The following LYPD4 variants were observed in gnomAD, a reference collection of about 807,000 sequenced individuals.
LYPD4 encodes the protein ly6/PLAUR domain-containing protein 4.
LYPD4 carries 20 observed loss-of-function variants against 18.2 expected under a neutral mutation model. The observed-to-expected ratio is 1.10, with a 90% CI of 0.77 to 1.59. LYPD4 has a LOEUF of 1.59. Among genes scored for constraint, LYPD4 ranks in the 40% most tolerant of loss-of-function variants. The probability of loss-of-function intolerance (pLI) is 0.00; values close to 1 mark genes in which losing one functional copy is unlikely to be tolerated. For missense variants in LYPD4, 278 were observed against 300.3 expected (o/e 0.93, Z 0.55); for synonymous variants, 111 against 118.3 (o/e 0.94, Z 0.40).
intron 1 of LYPD4, among the ~76,000 whole-genome samples, chr19:41,843,055 AAAAAAAAAAAAAAAAAAAAAAACC>A (rs2073680055): frequency 3.4e-5 from 2 of 59,370 alleles, no homozygotes; most frequent in African/African-American, 5.1e-5. Context: ...AAAAAAAAAA[AAAAAAAAAAAAAAAAAAAAAAACC>A]CCAACAACAA....
intron 1 of LYPD4, among the ~76,000 whole-genome samples, chr19:41,843,055 A>C (rs1555834037): frequency 5.0e-5 from 3 of 59,406 alleles, no homozygotes; most frequent in East Asian, 8.4e-4. Context: ...AAAAAAAAAA[A>C]AAAAAAAAAA....
intron 1 of LYPD4, among the ~76,000 whole-genome samples, chr19:41,840,813 G>A (rs1388658485): frequency 3.3e-5 from 5 of 150,366 alleles, no homozygotes; most frequent in African/African-American, 1.2e-4. Flanking sequence ...CTGGACGACA[G>A]AGCGAAACTC....
chr19:41,841,248 A>C (rs1220879515), intron 1 of LYPD4, among the ~76,000 whole-genome samples: 2 of 152,070 alleles, frequency 1.3e-5, no homozygotes, highest in African/African-American at 4.8e-5. Flanking sequence ...CCTGGGCAAC[A>C]CAGTGGCTTA....
chr19:41,836,450 G>A (rs2073375822), downstream of LYPD4, among the ~76,000 whole-genome samples: 1 of 151,868 alleles, frequency 6.6e-6, no homozygotes, highest in Admixed American at 6.6e-5. Context: ...TCACCTCCTA[G>A]AGCTAGTTTC....
chr19:41,838,406 G>A (rs2073449900), intron 3 of LYPD4, 145 bp from the exon 4 acceptor site: 2 of 647,400 alleles, frequency 3.1e-6, no homozygotes, highest in Non-Finnish European at 4.8e-6. Flanking sequence ...CAGTGCAGCT[G>A]CACAGGGCTC....
downstream of LYPD4, chr19:41,835,837 G>A (rs1173050145): frequency 2.0e-6 from 2 of 985,394 alleles, no homozygotes; most frequent in Non-Finnish European, 2.4e-6. Context: ...CCGTGGCCTT[G>A]AGGAGTTAAG....
Position 41,838,114 on chromosome 19 carries a change from T to C in LYPD4, c.359A>G (p.Asn120Ser), listed in dbSNP as rs782687210. ...CRSYLCNNLT[N>S]LEPFVKLKAS... ...CTTGAGTTTCACAAAAGGCTCCAAA[T>C]TGGTGAGGTTGTTGCAGAGATAAGA... The change falls in exon 4 of 5, where the codon AAT (asparagine) becomes AGT (serine). Residue 120 changes from asparagine to serine, a missense_variant. Physicochemically the swap from Asn to Ser is conservative, Grantham distance 46 (BLOSUM62 1). Coordinates refer to ENST00000609812, the MANE Select transcript of LYPD4 (RefSeq NM_173506.7). 5.6e-6 allele frequency: 9 copies of C among 1,613,774 alleles called. No individual in the cohort carries two copies. Among genetic ancestry groups the C allele is most frequent in the Middle Eastern group, 1.6e-4 (1 of 6,082 alleles).
At chr19:41,836,945 C>T (rs949530731), downstream of LYPD4, 6 of 1,015,370 alleles carry the variant, frequency 5.9e-6, no homozygotes, top group Admixed American at 1.5e-4. Context: ...ATTTCAGCTC[C>T]CCCAGTTGCT....
chr19:41,841,218 G>A (rs1452257789), intron 1 of LYPD4, among the ~76,000 whole-genome samples: 8 of 151,940 alleles, frequency 5.3e-5, no homozygotes, highest in Non-Finnish European at 1.2e-4. Flanking sequence ...GATCCCTTGA[G>A]GTCAGGAGTT....
rs781897511 is a variant in LYPD4, at chr19:41,838,960, G to A, written c.132C>T (p.Asn44=). The change falls in exon 3 of 5, where the codon AAC becomes AAT. Residue 44 remains asparagine (N), a synonymous_variant. Transcript: ENST00000609812. ...ASRFRAVAFH[N]WKWLLMRNMV... ...TGTTCCTCATCAGAAGCCACTTCCA[G>A]TTATGGAAAGCAACAGCTCTGAATC... The A allele has an allele frequency of 3.1e-6, 5 of 1,613,876 alleles. No homozygotes were observed. The highest frequency in any genetic ancestry group is 4.2e-6 in the Non-Finnish European group (5 of 1,180,004).
intron 1 of LYPD4, 198 bp from the exon 2 acceptor site, chr19:41,839,603 T>C: frequency 2.5e-6 from 1 of 392,730 alleles, no homozygotes; most frequent in Non-Finnish European, 4.6e-6. Flanking sequence ...GAATCCTGGC[T>C]TACTGATATG....
chr19:41,839,194 T>A lies in LYPD4; in HGVS notation c.67+25A>T, dbSNP rs781958588. 8.7e-6 allele frequency: 14 copies of A among 1,613,972 alleles called. No individual in the cohort carries two copies. The East Asian group carries it at 2.7e-4, about 31-fold the overall frequency. Reference sequence around the variant, plus strand: ...CAGCCTCCCACCTTTCTGGGTCTTATAGCATCCAGCCCCACAGGACATACG... The same window carrying A: ...CAGCCTCCCACCTTTCTGGGTCTTAAAGCATCCAGCCCCACAGGACATACG... On this transcript the variant is annotated intron_variant, in intron 2 of 4. Transcript: ENST00000609812.
intron 1 of LYPD4, among the ~76,000 whole-genome samples, chr19:41,843,078 C>CAAA (rs2073693023): frequency 0.017 from 151 of 9,128 alleles, 9 homozygotes; most frequent in Non-Finnish European, 0.027. Context: ...AAAAAAAAAA[C>CAAA]CCCAACAACA....
chr19:41,838,789 G>A lies in LYPD4; in HGVS notation c.211+92C>T. On this transcript the variant is annotated intron_variant, in intron 3 of 4. Transcript: ENST00000609812. ...TATATATATGTATAGTAACTATGTG[G>A]AATTCTAATCTACAGTCCCTCGGTG... 4 of 1,146,450 alleles carry A rather than the reference G, an allele frequency of 3.5e-6. No individual in the cohort carries two copies. In the South Asian group the frequency reaches 5.8e-5, roughly 16 times the overall value. The allele number at this position is 1,146,450 out of a possible 1,614,324, so 71.0% of individuals were successfully genotyped here. A position where few individuals can be genotyped will look rare whatever the true frequency, so the allele number is the denominator to read the frequency against.
rs112469208 is a variant in LYPD4, at chr19:41,837,388, C to T, written c.539-43G>A. 234 of 1,608,670 alleles carry T rather than the reference C, an allele frequency of 1.5e-4. 1 individual carries two copies. The African/African-American group carries it at 2.6e-3, about 18-fold the overall frequency. Reference sequence around the variant, plus strand: ...AGAAGTCAGGAACACTTTCAAGACTCAAGAGCCCTGCCTTCAGCCAGGTGC... The same window carrying T: ...AGAAGTCAGGAACACTTTCAAGACTTAAGAGCCCTGCCTTCAGCCAGGTGC... On this transcript the variant is annotated intron_variant, in intron 4 of 4. Transcript: ENST00000609812.
rs527657318 is a variant in LYPD4 at position 41,838,994 on chromosome 19, G to A, written c.98C>T (p.Thr33Ile). 2 of 1,613,816 alleles carry A rather than the reference G, an allele frequency of 1.2e-6. No individual in the cohort carries two copies. The highest frequency in any genetic ancestry group is 2.2e-5 in the East Asian group (1 of 44,864). The change falls in exon 3 of 5, where the codon ACA becomes ATA. Residue 33 changes from threonine to isoleucine, a missense_variant. Transcript: ENST00000609812. ...AGCAACAGCTCTGAATCTTGAGGCT[G>A]TTGCTTCATAGCACAAAAGAGCTCC... ...RAGALLCYEA[T>I]ASRFRAVAFH...
rs1555834308 is a variant in LYPD4 at position 41,843,667 on chromosome 19, C to G, written c.-210G>C. The G allele has an allele frequency of 6.6e-6, 1 of 151,958 alleles. No homozygotes were observed. Among genetic ancestry groups the G allele is most frequent in the Non-Finnish European group, 1.5e-5 (1 of 68,050 alleles). 9.4% of individuals were successfully genotyped at this position (151,958 alleles called of 1,614,324 possible). A position where few individuals can be genotyped will look rare whatever the true frequency, so the allele number is the denominator to read the frequency against. On this transcript the variant is annotated 5_prime_UTR_variant, in exon 1 of 5. Transcript: ENST00000609812. ...CCTTTTCTGCCTGCAATGCCTCAGA[C>G]ACACATGCTCTGTAACCCAGAAATC...
intron 3 of LYPD4, among the ~76,000 whole-genome samples, chr19:41,838,574 C>A (rs2073458131): frequency 6.6e-6 from 1 of 152,112 alleles, no homozygotes. Context: ...CCCTGCCCCT[C>A]TCCTGCCAGT....
In LYPD4 at chr19:41,838,186, A is replaced by G; in HGVS notation, c.287T>C (p.Val96Ala). ...SSYPAQISYL[V>A]SPPGVSIASY... ...GGCAATGGACACTCCGGGTGGGGAA[A>G]CAAGGTAGGAGATTTGCGCAGGGTA... is the stretch of plus-strand genomic sequence containing the variant. The change falls in exon 4 of 5, where the codon GTT (valine) becomes GCT (alanine). Residue 96 changes from valine to alanine, a missense_variant. Val to Ala is a moderately conservative substitution (Grantham distance 64). Coordinates refer to ENST00000609812, the MANE Select transcript of LYPD4 (RefSeq NM_173506.7). The G allele has an allele frequency of 6.3e-7, 1 of 1,595,676 alleles. No individual in the cohort carries two copies. The highest frequency in any genetic ancestry group is 1.3e-5 in the African/African-American group (1 of 74,436).
Sources: gnomAD v4.1 joint callset for allele counts (sites outside exome capture counted in the v4.1 genomes callset) on GRCh38, gnomAD v4.1.1 for gene constraint, MANE v1.5 for transcripts, NCBI Gene and HGNC (gene_info 2026-07-23, HGNC 2026-07-21) for gene names.